Variants in SYTL3 observed in about 807,000 individuals in gnomAD.
SYTL3 encodes synaptotagmin-like protein 3.
SYTL3 carries 88 observed loss-of-function variants against 82.1 expected under a neutral mutation model. The observed-to-expected ratio is 1.07, with a 90% CI of 0.90 to 1.28. The LOEUF (loss-of-function observed/expected upper bound fraction) is 1.28, where lower values mean the gene tolerates loss of function less well. SYTL3 is among the 50% of genes most tolerant of loss of function. The pLI is 0.00. For synonymous variants in SYTL3, 311 were observed against 289.4 expected (o/e 1.07, Z -0.76); for missense variants, 831 against 757.6 (o/e 1.10, Z -1.14).
At chr6:158,685,160 A>G (rs184974355) in intron 6 of SYTL3, among the ~76,000 whole-genome samples, 132 of 151,592 alleles carry the variant, frequency 8.7e-4, no homozygotes, top group African/African-American at 3.2e-3. Flanking sequence ...TGGCAAAGCA[A>G]CTGCAGCACA....
At chr6:158,703,822 C>T (rs6455599) in intron 6 of SYTL3, among the ~76,000 whole-genome samples, 51,604 of 129,574 alleles carry the variant, frequency 0.4, 10,669 homozygotes, top group African/African-American at 0.58. Context: ...ATATTATTAT[C>T]ATTATTATTA....
intron 9 of SYTL3, among the ~76,000 whole-genome samples, chr6:158,716,426 CCCTCACAG>C (rs1783438295): frequency 6.6e-6 from 1 of 152,086 alleles, no homozygotes; most frequent in African/African-American, 2.4e-5. Context: ...AAATTAGAGC[CCCTCACAG>C]CCTCACAGTC....
chr6:158,674,893 C>G (rs1283436503), intron 5 of SYTL3, among the ~76,000 whole-genome samples: 1 of 151,768 alleles, frequency 6.6e-6, no homozygotes, highest in Non-Finnish European at 1.5e-5. Context: ...TCCCACCCCT[C>G]CCTGTTGTCT....
At chr6:158,646,932 C>G (rs1194414220), upstream of SYTL3, among the ~76,000 whole-genome samples, 1 of 152,116 alleles carries the variant, frequency 6.6e-6, no homozygotes, top group Non-Finnish European at 1.5e-5. Flanking sequence ...CAATCAGGAG[C>G]CTCTGAAATC....
intron 6 of SYTL3, among the ~76,000 whole-genome samples, chr6:158,690,971 A>T (rs957998120): frequency 6.6e-6 from 1 of 152,140 alleles, no homozygotes; most frequent in Non-Finnish European, 1.5e-5. Context: ...ACGCTCCAGG[A>T]TCAGCTGCAA....
chr6:158,692,406 C>T (rs778919330), intron 6 of SYTL3, among the ~76,000 whole-genome samples: 7 of 150,454 alleles, frequency 4.7e-5, no homozygotes, highest in African/African-American at 7.3e-5. Flanking sequence ...TCTGATAATG[C>T]TCTCAATGAT....
At position 158,709,449 on chromosome 6, in the gene SYTL3, A is replaced by G. The variant is rs1782516832; in HGVS notation, c.516+1058A>G. Among the ~76,000 whole-genome samples, 4 of 152,302 alleles carry G rather than the reference A, an allele frequency of 2.6e-5. 1 individual carries two copies. In the South Asian group the frequency reaches 8.3e-4, roughly 32 times the overall value. On this transcript the variant is annotated intron_variant, in intron 8 of 17. Transcript: ENST00000611299. ...TCTACTGAATATATATTGCTTTCAC[A>G]CCATCATCAAGTCAGAAAATTGTAA...
rs73020254 is a variant in SYTL3, at chr6:158,759,370, G to A, written c.1309-1270G>A. On this transcript the variant is annotated intron_variant, in intron 14 of 17. Transcript: ENST00000611299. ...GGCAGCCATACCTCATTTGGCACCC[G>A]AGGGCCAGGAAGACGGGCTGGCCCA... Among the ~76,000 whole-genome samples the A allele has an allele frequency of 5.3e-3, 730 of 138,528 alleles. 1 individual carries two copies. The highest frequency in any genetic ancestry group is 0.03 in the Middle Eastern group (8 of 264). The allele number at this position is 138,528 out of a possible 152,430, so 90.9% of individuals were successfully genotyped here.
chr6:158,745,683 C>A, intron 12 of SYTL3, 25 bp downstream of exon 12: 1 of 1,536,756 alleles, frequency 6.5e-7, no homozygotes, highest in Non-Finnish European at 8.8e-7. Context: ...TTAAGTTTAA[C>A]ATGAGACATA....
At chr6:158,645,061 C>G (rs143951989), upstream of SYTL3, among the ~76,000 whole-genome samples, 4 of 152,356 alleles carry the variant, frequency 2.6e-5, no homozygotes, top group African/African-American at 9.6e-5. Flanking sequence ...CCGGTTTGTA[C>G]TGTGTGGATT....
chr6:158,707,888 C>G (rs1262023067), intron 7 of SYTL3, among the ~76,000 whole-genome samples: 1 of 152,190 alleles, frequency 6.6e-6, no homozygotes, highest in Non-Finnish European at 1.5e-5. Flanking sequence ...CTCCCCTGTT[C>G]TTTCCCATTT....
intron 11 of SYTL3, among the ~76,000 whole-genome samples, chr6:158,731,403 A>T (rs1002020520): frequency 6.6e-6 from 1 of 151,954 alleles, no homozygotes; most frequent in African/African-American, 2.4e-5. Context: ...AAGAAAAAAA[A>T]CTCAAGCTAG....
intron 8 of SYTL3, among the ~76,000 whole-genome samples, chr6:158,712,488 T>C (rs1276988031): frequency 6.6e-6 from 1 of 152,182 alleles, no homozygotes; most frequent in East Asian, 1.9e-4. Context: ...CCTTAAGTCA[T>C]ACTTAATTTA....
At chr6:158,720,732 A>G (rs1347113110) in intron 10 of SYTL3, among the ~76,000 whole-genome samples, 1 of 152,170 alleles carries the variant, frequency 6.6e-6, no homozygotes, top group Non-Finnish European at 1.5e-5. Flanking sequence ...AATCCTTAAG[A>G]CAGCCCTATG....
At chr6:158,718,717 A>G (rs1321980730) in intron 10 of SYTL3, among the ~76,000 whole-genome samples, 2 of 152,236 alleles carry the variant, frequency 1.3e-5, no homozygotes, top group African/African-American at 2.4e-5. Context: ...GGAAATAATT[A>G]TTCCACCTTC....
At chr6:158,732,606 T>A (rs1785548274) in intron 11 of SYTL3, among the ~76,000 whole-genome samples, 1 of 152,196 alleles carries the variant, frequency 6.6e-6, no homozygotes, top group South Asian at 2.1e-4. Flanking sequence ...ACCCTGCAGG[T>A]CAGCCCTCAA....
chr6:158,707,727 T>G (rs543440848), intron 7 of SYTL3, among the ~76,000 whole-genome samples: 12 of 152,318 alleles, frequency 7.9e-5, no homozygotes, highest in African/African-American at 2.9e-4. Context: ...TTGCACAAAA[T>G]TCTAAAAACT....
chr6:158,764,396 A>G (rs1790480361), intron 17 of SYTL3, 99 bp from the exon 18 acceptor site: 2 of 848,714 alleles, frequency 2.4e-6, no homozygotes, highest in African/African-American at 1.7e-5. Context: ...TGTGGACTTG[A>G]GGTGAAAAAC....
rs1160888546 is a variant in SYTL3, at chr6:158,763,308, C to A, written c.1522C>A (p.Leu508Ile). 1 of 1,614,074 alleles carries A rather than the reference C, an allele frequency of 6.2e-7. No homozygotes were observed. Among genetic ancestry groups the A allele is most frequent in the African/African-American group, 1.3e-5 (1 of 74,942 alleles). ...GTLNSFVKGC[L>I]TLPDQQKLRL... ...GGGTTTGTGTTCCCTCTTCAGCTGT[C>A]TCACTCTGCCAGACCAACAAAAACT... The change falls in exon 17 of 18, where the codon CTC (leucine) becomes ATC (isoleucine). Residue 508 changes from leucine to isoleucine, a missense_variant. By Grantham distance (5) the Leu-to-Ile change is conservative (BLOSUM62 2). Transcript: ENST00000611299.
Sources: allele counts gnomAD v4.1 joint callset (sites outside exome capture counted in the v4.1 genomes callset), GRCh38; gene constraint gnomAD v4.1.1; transcripts MANE v1.5; gene names NCBI Gene and HGNC (gene_info 2026-07-23, HGNC 2026-07-21).